Variants in RANBP2 observed in about 807,000 individuals in gnomAD.
RANBP2 encodes RAN binding protein 2.
Under a neutral mutation model 303.6 loss-of-function variants are expected in RANBP2, and 57 were observed. The ratio of observed to expected loss-of-function variants is 0.19; its 90% CI spans 0.15 to 0.23. The LOEUF (loss-of-function observed/expected upper bound fraction) is 0.23. Ranked by LOEUF, RANBP2 falls within the 10% of genes least tolerant of loss-of-function variation. The pLI is 1.00. For missense variants in RANBP2, 3,138 were observed against 3,780.8 expected (o/e 0.83, Z 4.46); for synonymous variants, 1,167 against 1,301.5 (o/e 0.90, Z 2.23).
the RANBP2 span, among the ~76,000 whole-genome samples, chr2:109,253,862 GTA>G: frequency 6.6e-6 from 1 of 152,148 alleles, no homozygotes; most frequent in Non-Finnish European, 1.5e-5. Context: ...AAACCAGAAA[GTA>G]ATGTATGAGT....
chr2:108,998,531 G>A, the RANBP2 span, among the ~76,000 whole-genome samples: 1 of 152,110 alleles, frequency 6.6e-6, no homozygotes, highest in Non-Finnish European at 1.5e-5. Flanking sequence ...ATCCTCCTAA[G>A]GAGAGATCAC....
At chr2:108,743,377 C>T (rs1411382499) in intron 7 of RANBP2, among the ~76,000 whole-genome samples, 1 of 152,156 alleles carries the variant, frequency 6.6e-6, no homozygotes, top group East Asian at 1.9e-4. Flanking sequence ...TCAAGTGATC[C>T]TCTCCTGCTT....
chr2:109,567,125 G>A, the RANBP2 span, among the ~76,000 whole-genome samples: 2 of 152,080 alleles, frequency 1.3e-5, no homozygotes, highest in South Asian at 4.1e-4. Flanking sequence ...TCACTGTTAG[G>A]CGCTTAACAA....
chr2:109,452,334 G>A, the RANBP2 span, among the ~76,000 whole-genome samples: 9 of 152,272 alleles, frequency 5.9e-5, no homozygotes, highest in Middle Eastern at 6.8e-3. Context: ...TGGGCAACTT[G>A]ATCATAGATG....
At chr2:109,140,710 T>C in the RANBP2 span, among the ~76,000 whole-genome samples, 3 of 152,122 alleles carry the variant, frequency 2.0e-5, no homozygotes, top group Non-Finnish European at 1.5e-5. Flanking sequence ...TTATGGGAAA[T>C]AGAATTTTTT....
chr2:109,265,814 G>A, the RANBP2 span, among the ~76,000 whole-genome samples: 1 of 152,258 alleles, frequency 6.6e-6, no homozygotes, highest in African/African-American at 2.4e-5. Flanking sequence ...CAAGGGCAGA[G>A]AGAAATAATG....
the RANBP2 span, among the ~76,000 whole-genome samples, chr2:109,765,373 T>C: frequency 1.3e-5 from 2 of 150,380 alleles, no homozygotes; most frequent in African/African-American, 4.9e-5. Flanking sequence ...TCCTGTCCTC[T>C]TTCTTTCTCT....
the RANBP2 span, chr2:108,931,034 T>C: frequency 6.2e-7 from 1 of 1,613,844 alleles, no homozygotes; most frequent in Non-Finnish European, 8.5e-7. Context: ...AGGGCTCACC[T>C]GAAAGACATG....
the RANBP2 span, among the ~76,000 whole-genome samples, chr2:108,827,196 TTAAAA>T: frequency 1.3e-5 from 2 of 152,236 alleles, no homozygotes; most frequent in South Asian, 4.1e-4. Context: ...TTTCATCACT[TTAAAA>T]TAATAATGTA....
the RANBP2 span, among the ~76,000 whole-genome samples, chr2:109,095,074 A>G: frequency 6.6e-6 from 1 of 152,320 alleles, no homozygotes; most frequent in South Asian, 2.1e-4. Context: ...AAGGTCATAA[A>G]CTGCTTCCTT....
chr2:109,195,665 TC>T, the RANBP2 span, among the ~76,000 whole-genome samples: 4 of 152,216 alleles, frequency 2.6e-5, no homozygotes, highest in Non-Finnish European at 5.9e-5. Context: ...GCCAGAGAGC[TC>T]CGCGTTTGCA....
chr2:109,228,124 G>A, the RANBP2 span, among the ~76,000 whole-genome samples: 1 of 152,174 alleles, frequency 6.6e-6, no homozygotes, highest in Non-Finnish European at 1.5e-5. Flanking sequence ...TCTAATGGCT[G>A]TGTTTTCATG....
chr2:109,491,157 C>G, the RANBP2 span, among the ~76,000 whole-genome samples: 1 of 152,158 alleles, frequency 6.6e-6, no homozygotes, highest in African/African-American at 2.4e-5. Context: ...CCATCTGATT[C>G]CTGAGTTTGG....
chr2:109,413,962 TC>T, the RANBP2 span, among the ~76,000 whole-genome samples: 3 of 152,200 alleles, frequency 2.0e-5, no homozygotes, highest in African/African-American at 7.2e-5. Flanking sequence ...ATGTCAGCAT[TC>T]CCAAGACCAG....
chr2:108,923,488 T>G, the RANBP2 span: 4 of 1,597,062 alleles, frequency 2.5e-6, no homozygotes, highest in Admixed American at 6.7e-5. Flanking sequence ...CAGAGACAGG[T>G]GAGCTGGACA....
At chr2:109,743,286 T>C in the RANBP2 span, among the ~76,000 whole-genome samples, 1 of 137,892 alleles carries the variant, frequency 7.3e-6, no homozygotes, top group Admixed American at 7.4e-5. Context: ...ATAATAAAAA[T>C]CTAGACATAG....
At chr2:109,478,638 C>A in the RANBP2 span, among the ~76,000 whole-genome samples, 12 of 152,136 alleles carry the variant, frequency 7.9e-5, no homozygotes, top group Middle Eastern at 6.3e-3. Flanking sequence ...TGTTGGAATG[C>A]GCTTTCATTT....
chr2:109,116,374 A>T, the RANBP2 span, among the ~76,000 whole-genome samples: 2 of 151,952 alleles, frequency 1.3e-5, no homozygotes, highest in Non-Finnish European at 2.9e-5. Context: ...ACTTCATTTC[A>T]TTCATTTCAT....
the RANBP2 span, among the ~76,000 whole-genome samples, chr2:109,720,497 C>A: frequency 6.6e-6 from 1 of 152,130 alleles, no homozygotes; most frequent in African/African-American, 2.4e-5. Flanking sequence ...AGTATCAGAG[C>A]CTTTTAAAAG....
Sources: allele counts gnomAD v4.1 joint callset (sites outside exome capture counted in the v4.1 genomes callset), GRCh38; gene constraint gnomAD v4.1.1; transcripts MANE v1.5; gene names NCBI Gene and HGNC (gene_info 2026-07-23, HGNC 2026-07-21).